SMYD3: variants seen among roughly 807,000 people sequenced by gnomAD.
SMYD3 encodes histone-lysine N-methyltransferase SMYD3.
SMYD3 carries 36 observed loss-of-function variants against 57.7 expected under a neutral mutation model. The ratio of observed to expected loss-of-function variants is 0.62; its 90% confidence interval spans 0.48 to 0.82. The LOEUF (loss-of-function observed/expected upper bound fraction) is 0.82. Ranked by LOEUF, SMYD3 falls within the 40% of genes least tolerant of loss-of-function variation. SMYD3 has a pLI of 0.00. For synonymous variants in SMYD3, 211 were observed against 195.0 expected, an observed-to-expected ratio of 1.08 and a Z score of -0.68; for missense variants, 515 against 538.8, an observed-to-expected ratio of 0.96 and a Z score of 0.44.
At chr1:245,793,602 C>T (rs1304333309) in intron 10 of SMYD3, among the ~76,000 whole-genome samples, 4 of 151,946 alleles carry the variant, frequency 2.6e-5, no homozygotes, top group African/African-American at 7.3e-5. Flanking sequence ...AAAACAGGCC[C>T]CTCTTGGTCT....
chr1:246,493,323 G>A (rs1451780674), intron 1 of SMYD3, among the ~76,000 whole-genome samples: 1 of 151,990 alleles, frequency 6.6e-6, no homozygotes, highest in African/African-American at 2.4e-5. Context: ...TAAATAAAAA[G>A]AAAGAGGAGT....
chr1:246,243,552 C>G (rs999062162), intron 5 of SMYD3, among the ~76,000 whole-genome samples: 7 of 151,796 alleles, frequency 4.6e-5, no homozygotes, highest in Non-Finnish European at 1.0e-4. Context: ...CTTCACAGAT[C>G]TTAACCCCCA....
intron 5 of SMYD3, chr1:246,305,926 T>C (rs1475261224): frequency 6.6e-6 from 1 of 152,086 alleles, no homozygotes; most frequent in Non-Finnish European, 1.5e-5. Context: ...CACCTTCAAG[T>C]TTAGAAAGAG....
At chr1:246,410,313 T>A (rs1037124898) in intron 1 of SMYD3, among the ~76,000 whole-genome samples, 6 of 152,212 alleles carry the variant, frequency 3.9e-5, no homozygotes, top group Non-Finnish European at 8.8e-5. Context: ...GGGTTTGTCA[T>A]AGATAGCTCT....
At chr1:245,890,362 T>C (rs1298199382) in intron 8 of SMYD3, among the ~76,000 whole-genome samples, 1 of 152,072 alleles carries the variant, frequency 6.6e-6, no homozygotes, top group Admixed American at 6.5e-5. Context: ...AGGATATATA[T>C]AAGGACTTCA....
chr1:245,827,089 C>T (rs151079210), intron 10 of SMYD3, among the ~76,000 whole-genome samples: 803 of 152,282 alleles, frequency 5.3e-3, no homozygotes, highest in Non-Finnish European at 7.6e-3. Flanking sequence ...ACTGCGCTAA[C>T]GGAGCCTCTC....
At chr1:245,932,568 C>T (rs1358078348) in intron 5 of SMYD3, among the ~76,000 whole-genome samples, 3 of 152,108 alleles carry the variant, frequency 2.0e-5, no homozygotes, top group Non-Finnish European at 4.4e-5. Flanking sequence ...AAATCTATTT[C>T]CTTTTCTTAG....
chr1:246,313,541 G>C (rs950009875), intron 5 of SMYD3, among the ~76,000 whole-genome samples: 4 of 152,150 alleles, frequency 2.6e-5, no homozygotes, highest in African/African-American at 7.2e-5. Flanking sequence ...TGCATAAACA[G>C]TGTCTTGATA....
At chr1:246,486,543 T>C (rs2068190752) in intron 1 of SMYD3, among the ~76,000 whole-genome samples, 2 of 152,166 alleles carry the variant, frequency 1.3e-5, no homozygotes, top group South Asian at 4.1e-4. Context: ...GATTAAGTCA[T>C]TTGCTCTTCA....
intron 5 of SMYD3, among the ~76,000 whole-genome samples, chr1:246,019,472 T>C (rs1558156012): frequency 6.6e-6 from 1 of 152,242 alleles, no homozygotes. Flanking sequence ...ATCCTAGGTC[T>C]GAGTTACAAA....
At chr1:246,238,032 G>GT (rs947650467) in intron 5 of SMYD3, among the ~76,000 whole-genome samples, 3 of 151,966 alleles carry the variant, frequency 2.0e-5, no homozygotes, top group Non-Finnish European at 4.4e-5. Flanking sequence ...AGTATCTTCT[G>GT]TTTTTTCATT....
chr1:245,813,860 CTATATATATATATATATA>C (rs6143718), intron 10 of SMYD3, among the ~76,000 whole-genome samples: 1,701 of 147,020 alleles, frequency 0.012, 63 homozygotes, highest in African/African-American at 0.041. Flanking sequence ...TCATGGAGCC[CTATATATATATATATATA>C]TATATATATA....
chr1:246,329,632 T>G (rs2065425928), intron 4 of SMYD3, among the ~76,000 whole-genome samples: 1 of 152,184 alleles, frequency 6.6e-6, no homozygotes, highest in South Asian at 2.1e-4. Flanking sequence ...TTTCTCCCAT[T>G]TTGTAGGTTG....
At chr1:246,447,593 T>A (rs1488292517) in intron 1 of SMYD3, among the ~76,000 whole-genome samples, 1 of 152,182 alleles carries the variant, frequency 6.6e-6, no homozygotes, top group Non-Finnish European at 1.5e-5. Flanking sequence ...AAGAAATGAT[T>A]GTCTTTCCAA....
chr1:245,847,364 T>C (rs904205317), intron 10 of SMYD3, among the ~76,000 whole-genome samples: 1 of 152,248 alleles, frequency 6.6e-6, no homozygotes, highest in Non-Finnish European at 1.5e-5. Flanking sequence ...CCCATCCATC[T>C]ATCCTTCGGG....
intron 1 of SMYD3, among the ~76,000 whole-genome samples, chr1:246,457,731 C>A (rs2067725745): frequency 6.6e-6 from 1 of 152,132 alleles, no homozygotes; most frequent in Non-Finnish European, 1.5e-5. Context: ...TGCTTTTATA[C>A]AAGCTGTGCG....
chr1:246,313,692 A>C (rs190485997), intron 5 of SMYD3, among the ~76,000 whole-genome samples: 2 of 152,360 alleles, frequency 1.3e-5, no homozygotes, highest in East Asian at 3.9e-4. Context: ...CAACATTTTA[A>C]AATTATTTGC....
At chr1:245,881,475 T>C (rs2052774007) in intron 8 of SMYD3, among the ~76,000 whole-genome samples, 1 of 152,192 alleles carries the variant, frequency 6.6e-6, no homozygotes, top group African/African-American at 2.4e-5. Flanking sequence ...GTAAAAGTCA[T>C]TTTGAAGCAT....
intron 8 of SMYD3, among the ~76,000 whole-genome samples, chr1:245,884,890 G>C (rs2053000722): frequency 1.3e-5 from 2 of 151,840 alleles, no homozygotes; most frequent in African/African-American, 4.8e-5. Context: ...ATAAAAGCTA[G>C]CCACCTGAGC....
Sources: gnomAD v4.1 joint callset for allele counts (sites outside exome capture counted in the v4.1 genomes callset) on GRCh38, gnomAD v4.1.1 for gene constraint, MANE v1.5 for transcripts, NCBI Gene and HGNC (gene_info 2026-07-23, HGNC 2026-07-21) for gene names.